The following SAMD9L variants were observed in gnomAD, a reference collection of about 807,000 sequenced individuals.
SAMD9L encodes the protein sterile alpha motif domain containing 9 like, also known as sterile alpha motif domain-containing protein 9-like.
A neutral mutation model predicts 90.7 loss-of-function variants in SAMD9L; 68 were observed. The ratio of observed to expected loss-of-function variants is 0.75; its 90% CI spans 0.62 to 0.92. SAMD9L has a LOEUF of 0.92. Among genes scored for constraint, SAMD9L ranks in the 40% least tolerant of loss-of-function variants. The pLI is 0.00. For missense variants in SAMD9L, 1,604 were observed against 1,824.3 expected, an observed-to-expected ratio of 0.88 and a Z score of 2.20; for synonymous variants, 640 against 630.1, an observed-to-expected ratio of 1.02 and a Z score of -0.23.
In SAMD9L at chr7:93,134,530, C is replaced by A. The variant is rs763034101; in HGVS notation, c.1442G>T (p.Trp481Leu). 1.2e-6 allele frequency: 2 copies of A among 1,613,872 alleles called. No homozygotes were observed. Among genetic ancestry groups the A allele is most frequent in the South Asian group, 2.2e-5 (2 of 91,060 alleles). Residue 481 changes from tryptophan (W) to leucine (L), a missense_variant, in exon 5 of 5, where the codon TGG (tryptophan) becomes TTG (leucine). Physicochemically the swap from Trp to Leu is moderately conservative, Grantham distance 61. This residue lies in a region of SAMD9L where 606 missense variants were observed against 717.6 expected (regional missense o/e 0.84). Coordinates refer to ENST00000318238, the MANE Select transcript of SAMD9L (RefSeq NM_152703.5). ...AAGATTAAGAGTAGAAATCTTCTCCCACATGTTAGTTGTCTTGTCTTCATA... is the reference window on the plus strand; with the variant it reads ...AAGATTAAGAGTAGAAATCTTCTCCAACATGTTAGTTGTCTTGTCTTCATA... ...NQYEDKTTNM[W>L]EKISTLNLYQ...
At position 93,133,935 on chromosome 7, in the gene SAMD9L, A is replaced by C. The variant is rs188902048; in HGVS notation, c.2037T>G (p.Phe679Leu). The C allele has an allele frequency of 6.3e-5, 102 of 1,613,874 alleles. 1 individual carries two copies. In the East Asian group the frequency reaches 9.1e-4, roughly 14 times the overall value. Residue 679 changes from phenylalanine to leucine, a missense_variant, in exon 5 of 5, where the codon TTT becomes TTG. This residue lies in a region of SAMD9L where 606 missense variants were observed against 717.6 expected (regional missense o/e 0.84). Coordinates refer to ENST00000318238, the MANE Select transcript of SAMD9L (RefSeq NM_152703.5). The stretch of plus-strand genomic sequence containing the variant: ...AAAAGTGTTCTTCTTTTGATTTCTT[A>C]AACTCCAGGAATTTAGATTTGTCTT... Reference protein sequence around the residue: ...IEKDKSKFLEFKKSKEEHFYR... With the variant: ...IEKDKSKFLELKKSKEEHFYR...
At chr7:93,139,097 A>G (rs1054242036) in intron 4 of SAMD9L, among the ~76,000 whole-genome samples, 4 of 152,114 alleles carry the variant, frequency 2.6e-5, no homozygotes, top group African/African-American at 9.7e-5. Flanking sequence ...TATTAAATAC[A>G]TTTTGTATTA....
Position 93,131,642 on chromosome 7 carries a change from C to A in SAMD9L, c.4330G>T (p.Asp1444Tyr). The change falls in exon 5 of 5, where the codon GAT becomes TAT. Residue 1444 changes from aspartate (D) to tyrosine (Y), a missense_variant. This residue lies in a region of SAMD9L where 282 missense variants were observed against 329.6 expected (regional missense o/e 0.86). Transcript: ENST00000318238. ...ACATACTTTTCTATTAGTTTGGAAT[C>A]TTGATCTAGCTCTTGATTTTCTGGC... ...FWPENQELDQ[D>Y]SKLIEKYVSS... 6.2e-7 allele frequency: 1 copy of A among 1,613,858 alleles called. No individual in the cohort carries two copies. The highest frequency in any genetic ancestry group is 8.5e-7 in the Non-Finnish European group (1 of 1,179,870).
At position 93,134,271 on chromosome 7, in the gene SAMD9L, G is replaced by T; in HGVS notation, c.1701C>A (p.Phe567Leu). ...GDPLIETFWA[F>L]YQALKGMENM... ...TTTCCATTCCTTTGAGAGCTTGATAGAAAGCCCAGAAAGTTTCAATGAGTG... is the reference window on the plus strand; with the variant it reads ...TTTCCATTCCTTTGAGAGCTTGATATAAAGCCCAGAAAGTTTCAATGAGTG... Residue 567 changes from phenylalanine (F) to leucine (L), a missense_variant, in exon 5 of 5, where the codon TTC becomes TTA. Transcript: ENST00000318238. The T allele has an allele frequency of 6.2e-7, 1 of 1,613,506 alleles. No homozygotes were observed. Among genetic ancestry groups the T allele is most frequent in the South Asian group, 1.1e-5 (1 of 91,036 alleles).
rs780713098 is a variant in SAMD9L, at chr7:93,131,253, A to T, written c.4719T>A (p.Ile1573=). The part of the protein sequence containing the change: ...ERVSFYLGFS[I]EGPLAYDIEV... ...CTATATCATATGCCAGAGGGCCTTCAATGGAAAATCCTAGGTAGAAAGACA... is the reference window on the plus strand; with the variant it reads ...CTATATCATATGCCAGAGGGCCTTCTATGGAAAATCCTAGGTAGAAAGACA... Residue 1573 remains isoleucine, a synonymous_variant, in exon 5 of 5, where the codon ATT becomes ATA. Transcript: ENST00000318238. 1.1e-5 allele frequency: 18 copies of T among 1,585,094 alleles called. No homozygotes were observed. In the East Asian group the frequency reaches 4.0e-4, roughly 35 times the overall value.
chr7:93,131,160 A>G lies in SAMD9L; in HGVS notation c.*57T>C. 9.3e-7 allele frequency: 1 copy of G among 1,075,540 alleles called. No homozygotes were observed. Among genetic ancestry groups the G allele is most frequent in the South Asian group, 1.7e-5 (1 of 58,792 alleles). The allele number at this position is 1,075,540 out of a possible 1,614,324, so 66.6% of individuals were successfully genotyped here. ...GAAAGTGCCATGAGAATAGAGAGAG[A>G]GAATAAAATCATAAAGATATAAATA... On this transcript the variant is annotated 3_prime_UTR_variant, in exon 5 of 5. Transcript: ENST00000318238.
chr7:93,137,400 G>T (rs1436601813), intron 4 of SAMD9L, among the ~76,000 whole-genome samples: 1 of 151,978 alleles, frequency 6.6e-6, no homozygotes, highest in East Asian at 1.9e-4. Flanking sequence ...GATCCAGGCT[G>T]CACACTCCTT....
In SAMD9L at chr7:93,134,757, G is replaced by A. The variant is rs766845918; in HGVS notation, c.1215C>T (p.Asn405=). Residue 405 remains asparagine (N), a synonymous_variant, in exon 5 of 5, where the codon AAC becomes AAT. Coordinates refer to ENST00000318238, the MANE Select transcript of SAMD9L (RefSeq NM_152703.5). ...AGTATGAATTATCCAGTGAGTCTCG[G>A]TTTCCTATGAGAAGTTTAACCAGCT... ...GLKLVKLLIG[N]RDSLDNSYYD... 6.2e-7 allele frequency: 1 copy of A among 1,613,250 alleles called. No individual in the cohort carries two copies. The highest frequency in any genetic ancestry group is 8.5e-7 in the Non-Finnish European group (1 of 1,179,916).
intron 3 of SAMD9L, 59 bp from the exon 4 acceptor site, chr7:93,144,892 A>G (rs1792833302): frequency 6.6e-6 from 1 of 152,210 alleles, no homozygotes; most frequent in Non-Finnish European, 1.5e-5. Context: ...CAAATTATGT[A>G]TTTCCTCCCA....
chr7:93,131,170 C>A lies in SAMD9L; in HGVS notation c.*47G>T. On this transcript the variant is annotated 3_prime_UTR_variant, in exon 5 of 5. Coordinates refer to ENST00000318238, the MANE Select transcript of SAMD9L (RefSeq NM_152703.5). ...TGAGAATAGAGAGAGAGAATAAAAT[C>A]ATAAAGATATAAATAAACGTATTTG... 2.7e-6 allele frequency: 3 copies of A among 1,120,208 alleles called. No individual in the cohort carries two copies. Among genetic ancestry groups the A allele is most frequent in the South Asian group, 3.3e-5 (2 of 61,338 alleles). 69.4% of individuals were successfully genotyped at this position (1,120,208 alleles called of 1,614,324 possible).
Position 93,133,902 on chromosome 7 carries a change from A to G in SAMD9L, c.2070T>C (p.Gly690=), listed in dbSNP as rs1259946933. 6.2e-7 allele frequency: 1 copy of G among 1,613,818 alleles called. No homozygotes were observed. Among genetic ancestry groups the G allele is most frequent in the Non-Finnish European group, 8.5e-7 (1 of 1,179,848 alleles). The part of the protein sequence containing the change: ...KKSKEEHFYR[G]GKVSWWNFYF... Reference sequence around the variant, plus strand: ...AGAAGTTCCACCAGGATACTTTGCCACCTCGATAAAAGTGTTCTTCTTTTG... The same window carrying G: ...AGAAGTTCCACCAGGATACTTTGCCGCCTCGATAAAAGTGTTCTTCTTTTG... Residue 690 remains glycine, a synonymous_variant, in exon 5 of 5, where the codon GGT becomes GGC. Coordinates refer to ENST00000318238, the MANE Select transcript of SAMD9L (RefSeq NM_152703.5).
At chr7:93,142,124 T>C (rs887187493) in intron 4 of SAMD9L, among the ~76,000 whole-genome samples, 1 of 152,176 alleles carries the variant, frequency 6.6e-6, no homozygotes, top group Non-Finnish European at 1.5e-5. Context: ...TCAAATTCAA[T>C]AAGGCCTTTC....
In SAMD9L at chr7:93,132,837, C is replaced by A. The variant is rs781462771; in HGVS notation, c.3135G>T (p.Lys1045Asn). 6.2e-7 allele frequency: 1 copy of A among 1,613,566 alleles called. No homozygotes were observed. ...GAGTGTCTGTTTCATCTCCATACAC[C>A]TTGCGCTGTCTTGTAAGCAGAAGAG... ...VQTLLLTRQR[K>N]VYGDETDTLF... The change falls in exon 5 of 5, where the codon AAG (lysine) becomes AAT (asparagine). Residue 1045 changes from lysine to asparagine, a missense_variant. Transcript: ENST00000318238.
chr7:93,135,113 G>C lies in SAMD9L; in HGVS notation c.859C>G (p.Pro287Ala), dbSNP rs1756417014. The C allele has an allele frequency of 1.2e-6, 2 of 1,612,212 alleles. No homozygotes were observed. The highest frequency in any genetic ancestry group is 1.3e-5 in the African/African-American group (1 of 74,862). Residue 287 changes from proline (P) to alanine (A), a missense_variant, in exon 5 of 5, where the codon CCA (proline) becomes GCA (alanine). Coordinates refer to ENST00000318238, the MANE Select transcript of SAMD9L (RefSeq NM_152703.5). ...TGCAGAAGGACTTCCACAAACCTTG[G>C]CTCCCGAATACACTTCTTGGCTTCA... ...INEAKKCIREPRFVEVLLQNN... is the reference protein window; with the variant it reads ...INEAKKCIREARFVEVLLQNN...
intron 4 of SAMD9L, among the ~76,000 whole-genome samples, chr7:93,139,433 T>C (rs1258039689): frequency 6.6e-6 from 1 of 152,160 alleles, no homozygotes; most frequent in Non-Finnish European, 1.5e-5. Context: ...CCTAATCCAA[T>C]ATGACTGAGG....
At chr7:93,138,936 C>G (rs1453852391) in intron 4 of SAMD9L, among the ~76,000 whole-genome samples, 2 of 152,078 alleles carry the variant, frequency 1.3e-5, no homozygotes, top group Non-Finnish European at 2.9e-5. Flanking sequence ...TAAACATATC[C>G]TTAATGAAAA....
In SAMD9L at chr7:93,131,394, A is replaced by G. The variant is rs1792083467; in HGVS notation, c.4578T>C (p.Thr1526=). 6.2e-7 allele frequency: 1 copy of G among 1,613,732 alleles called. No individual in the cohort carries two copies. The highest frequency in any genetic ancestry group is 8.5e-7 in the Non-Finnish European group (1 of 1,179,852). ...NEVKDLLRRL[T]GQAEGKLISV... is the part of the protein sequence containing the mutation. ...AGATTAGCTTGCCTTCAGCCTGACC[A>G]GTTAGACGACGCAGGAGGTCTTTGA... is the stretch of plus-strand genomic sequence containing the variant. Residue 1526 remains threonine, a synonymous_variant, in exon 5 of 5, where the codon ACT becomes ACC. Transcript: ENST00000318238.
Position 93,131,919 on chromosome 7 carries a change from G to A in SAMD9L, c.4053C>T (p.Tyr1351=). The A allele has an allele frequency of 6.2e-7, 1 of 1,613,046 alleles. No individual in the cohort carries two copies. The highest frequency in any genetic ancestry group is 1.1e-5 in the South Asian group (1 of 91,036). Residue 1351 remains tyrosine (Y), a synonymous_variant, in exon 5 of 5, where the codon TAC becomes TAT. Transcript: ENST00000318238. ...TACTTTCCATGGTGGTAGCATCTTT[G>A]TAGTTTGGATTAAGATATTCCAAGA... is the stretch of plus-strand genomic sequence containing the variant. ...AGLLEYLNPN[Y]KDATTMESIV...
In SAMD9L at chr7:93,131,356, C is replaced by T. The variant is rs1562785936; in HGVS notation, c.4616G>A (p.Gly1539Glu). 1 of 1,613,438 alleles carries T rather than the reference C, an allele frequency of 6.2e-7. No homozygotes were observed. ...TGGTATTTTTATTTTTTCCTCTGTT[C>T]CATATTCTACAGAGATTAGCTTGCC... Reference protein sequence around the residue: ...AEGKLISVEYGTEEKIKIPVI... With the variant: ...AEGKLISVEYETEEKIKIPVI... The change falls in exon 5 of 5, where the codon GGA (glycine) becomes GAA (glutamate). Residue 1539 changes from glycine (G) to glutamate (E), a missense_variant. By Grantham distance (98) the Gly-to-Glu change is moderately conservative. Transcript: ENST00000318238.
Sources: allele counts gnomAD v4.1 joint callset (sites outside exome capture counted in the v4.1 genomes callset), GRCh38; gene constraint gnomAD v4.1.1; regional missense constraint gnomAD v4.1.1; transcripts MANE v1.5; gene names NCBI Gene and HGNC (gene_info 2026-07-23, HGNC 2026-07-21).